Variants in CIT observed in about 807,000 individuals in gnomAD.
The protein encoded by CIT is citron rho-interacting serine/threonine kinase.
CIT carries 79 observed loss-of-function variants against 272.7 expected under a neutral mutation model. That is an observed-to-expected ratio of 0.29 (90% confidence interval 0.24 to 0.35). The LOEUF is 0.35. Among genes scored for constraint, CIT ranks in the 10% least tolerant of loss-of-function variants. The pLI, the probability that CIT is intolerant of heterozygous loss-of-function variation, is 1.00. For missense variants in CIT, 1,909 were observed against 2,618.3 expected, an observed-to-expected ratio of 0.73 and a Z score of 5.91; for synonymous variants, 948 against 995.6, an observed-to-expected ratio of 0.95 and a Z score of 0.90.
intron 5 of CIT, among the ~76,000 whole-genome samples, chr12:119,838,072 G>GT (rs1304207698): frequency 1.3e-5 from 2 of 151,928 alleles, no homozygotes; most frequent in South Asian, 2.1e-4. Context: ...AAAGAGTTTT[G>GT]TTTTTTTGGG....
chr12:119,842,512 A>G (rs963210527), intron 5 of CIT, among the ~76,000 whole-genome samples: 3 of 152,186 alleles, frequency 2.0e-5, no homozygotes, highest in African/African-American at 7.2e-5. Flanking sequence ...AGAATTGAAC[A>G]GATTTCTTCA....
intron 5 of CIT, among the ~76,000 whole-genome samples, chr12:119,836,284 TAAAAAAAAAAAAAAAA>T (rs201559880): frequency 2.8e-4 from 12 of 42,262 alleles, no homozygotes; most frequent in Admixed American, 3.7e-4. Flanking sequence ...AGACTCCATC[TAAAAAAAAAAAAAAAA>T]AAAAAAAAAA....
At position 119,728,079 on chromosome 12, in the gene CIT, G is replaced by A. The variant is rs552265800; in HGVS notation, c.3591+423C>T. Among the ~76,000 whole-genome samples the A allele has an allele frequency of 1.4e-4, 22 of 152,292 alleles. No homozygotes were observed. Among genetic ancestry groups the A allele is most frequent in the Non-Finnish European group, 2.8e-4 (19 of 68,016 alleles). ...ACATTCTGGAAAAGGGAAAACTATG[G>A]AGACAGCAAAAAGATCAGTGGCTGC... On this transcript the variant is annotated intron_variant, in intron 28 of 47. Coordinates refer to ENST00000392521, the MANE Select transcript of CIT (RefSeq NM_001206999.2). The surrounding 1 kb of genome is among the most constrained non-coding windows in gnomAD (Gnocchi z 4.3).
At chr12:119,730,943 C>T (rs1457742534) in intron 26 of CIT, among the ~76,000 whole-genome samples, 2 of 152,012 alleles carry the variant, frequency 1.3e-5, no homozygotes, top group South Asian at 2.1e-4. Flanking sequence ...GCCTGGCCAA[C>T]GTGGTGAAAT....
chr12:119,866,544 C>G (rs1950521325), intron 3 of CIT, among the ~76,000 whole-genome samples: 1 of 152,188 alleles, frequency 6.6e-6, no homozygotes, highest in Admixed American at 6.5e-5. Flanking sequence ...GTGGGCTGGG[C>G]ACAGTGGCTC....
chr12:119,782,891 CTACCTGTCCTAGGAGATACT>C (rs1325103558), intron 12 of CIT: 2 of 403,516 alleles, frequency 5.0e-6, no homozygotes, highest in African/African-American at 4.0e-5. Context: ...CTGCCACCAT[CTACCTGTCCTAGGAGATACT>C]TACTTGCATG....
At chr12:119,748,208 G>A (rs1019732324) in intron 23 of CIT, among the ~76,000 whole-genome samples, 1 of 152,128 alleles carries the variant, frequency 6.6e-6, no homozygotes, top group African/African-American at 2.4e-5. Context: ...AAACCCAGGA[G>A]TCCACAGATC....
At chr12:119,782,921 G>T in intron 12 of CIT, 1 of 288,420 alleles carries the variant, frequency 3.5e-6, no homozygotes, top group Non-Finnish European at 6.6e-6. Flanking sequence ...TTACTTGCAT[G>T]TTCAGGACTA....
intron 9 of CIT, among the ~76,000 whole-genome samples, chr12:119,807,544 C>T (rs1049267746): frequency 3.5e-4 from 53 of 151,958 alleles, no homozygotes; most frequent in African/African-American, 1.1e-3. Flanking sequence ...GATGGAGGTA[C>T]ACATGGCACC....
chr12:119,827,469 C>T (rs999562652), intron 7 of CIT, among the ~76,000 whole-genome samples: 7 of 150,302 alleles, frequency 4.7e-5, no homozygotes, highest in African/African-American at 1.7e-4. Context: ...GATGGAGTCT[C>T]GCTCTGTCAC....
chr12:119,714,319 A>G lies in CIT; in HGVS notation c.4184T>C (p.Leu1395Pro), dbSNP rs759810807. 3.1e-6 allele frequency: 5 copies of G among 1,613,986 alleles called. No individual in the cohort carries two copies. Among genetic ancestry groups the G allele is most frequent in the Non-Finnish European group, 4.2e-6 (5 of 1,180,014 alleles). Residue 1395 changes from leucine (L) to proline (P), a missense_variant, in exon 33 of 48, where the codon CTT (leucine) becomes CCT (proline). Around this residue, in one of 8 missense-constraint regions of CIT, gnomAD observed 780 missense variants for 1,067.2 expected, o/e 0.73. Transcript: ENST00000392521. Reference protein sequence around the residue: ...SSTPEEFSRRLKERMHHNIPH... With the variant: ...SSTPEEFSRRPKERMHHNIPH... ...AATATTGTGGTGCATGCGTTCCTTA[A>G]GACGCCGACTAAATTCTGGAGGAAA...
At chr12:119,834,011 C>T (rs1968826812) in intron 6 of CIT, 75 bp downstream of exon 6, 1 of 1,420,166 alleles carries the variant, frequency 7.0e-7, no homozygotes, top group Non-Finnish European at 9.6e-7. Context: ...CACTCATCCA[C>T]TCATTTCCAT....
At chr12:119,725,193 T>C (rs1443037821) in intron 28 of CIT, among the ~76,000 whole-genome samples, 1 of 151,886 alleles carries the variant, frequency 6.6e-6, no homozygotes, top group African/African-American at 2.4e-5. Flanking sequence ...GAGGCTGAGG[T>C]GGGCGGATCA....
intron 5 of CIT, among the ~76,000 whole-genome samples, chr12:119,846,985 G>A (rs541915473): frequency 2.5e-5 from 3 of 122,276 alleles, no homozygotes; most frequent in African/African-American, 7.9e-5. Flanking sequence ...TCAAGGGAAC[G>A]TCTTTTTTTT....
intron 2 of CIT, among the ~76,000 whole-genome samples, chr12:119,872,126 C>T (rs1835967443): frequency 6.6e-6 from 1 of 152,060 alleles, no homozygotes; most frequent in Admixed American, 6.6e-5. Context: ...TAAAAATGGT[C>T]CTTTATTCTG....
At chr12:119,723,588 C>T (rs1394773282) in intron 28 of CIT, among the ~76,000 whole-genome samples, 1 of 151,878 alleles carries the variant, frequency 6.6e-6, no homozygotes, top group Non-Finnish European at 1.5e-5. Flanking sequence ...AGGAAAAAGA[C>T]AGGAAACTGG....
intron 1 of CIT, 48 bp from the exon 2 acceptor site, chr12:119,876,229 A>C: frequency 1.6e-6 from 2 of 1,263,198 alleles, no homozygotes; most frequent in Non-Finnish European, 2.3e-6. Context: ...TTTGAGCAGG[A>C]AGGGCCTGAG....
At chr12:119,707,272 A>G (rs1956926400) in intron 40 of CIT, among the ~76,000 whole-genome samples, 1 of 152,192 alleles carries the variant, frequency 6.6e-6, no homozygotes, top group Admixed American at 6.5e-5. Flanking sequence ...GCTCTCAGAC[A>G]TTTATTTTAG....
rs1955675738 is a variant in CIT at position 119,688,081 on chromosome 12, CA to C, written c.*150del. 5 of 796,970 alleles carry C rather than the reference CA, an allele frequency of 6.3e-6. No individual in the cohort carries two copies. Among genetic ancestry groups the C allele is most frequent in the Non-Finnish European group, 2.1e-6 (1 of 465,932 alleles). The allele number at this position is 796,970 out of a possible 1,614,324, so 49.4% of individuals were successfully genotyped here. A position where few individuals can be genotyped will look rare whatever the true frequency, so the allele number is the denominator to read the frequency against. ...CTCAGCCACCTGCCCCTCCTGGAGACAGGGGTGTCCGTGCCGAGGTGGGTCT... is the reference window on the plus strand; with the variant it reads ...CTCAGCCACCTGCCCCTCCTGGAGACGGGGTGTCCGTGCCGAGGTGGGTCT... On this transcript the variant is annotated 3_prime_UTR_variant, in exon 48 of 48. Transcript: ENST00000392521.
Sources: allele counts gnomAD v4.1 joint callset (sites outside exome capture counted in the v4.1 genomes callset), GRCh38; gene constraint gnomAD v4.1.1; regional missense constraint gnomAD v4.1.1; non-coding constraint Gnocchi (gnomAD v3.1); transcripts MANE v1.5; gene names NCBI Gene and HGNC (gene_info 2026-07-23, HGNC 2026-07-21).